Variants in XYLT1 observed in about 807,000 individuals in gnomAD.
XYLT1 encodes beta-D-xylosyltransferase 1.
In XYLT1, 36 loss-of-function variants were observed where a neutral mutation model predicts 91.3. The ratio of observed to expected loss-of-function variants is 0.39; its 90% CI spans 0.30 to 0.52. XYLT1 has a LOEUF of 0.52. Ranked by LOEUF, XYLT1 falls within the 20% of genes least tolerant of loss-of-function variation. The pLI is 0.68. For synonymous variants in XYLT1, 588 were observed against 532.0 expected (o/e 1.11, Z -1.45); for missense variants, 1,242 against 1,284.5 (o/e 0.97, Z 0.51).
intron 2 of XYLT1, among the ~76,000 whole-genome samples, chr16:17,352,696 C>T (rs1369265360): frequency 2.0e-5 from 3 of 152,214 alleles, no homozygotes; most frequent in African/African-American, 7.2e-5. Flanking sequence ...TTACAACCAC[C>T]TCCACTCTAC....
Position 17,127,712 on chromosome 16 carries a change from T to C in XYLT1, c.2177A>G (p.Lys726Arg), listed in dbSNP as rs766039272. Residue 726 changes from lysine (K) to arginine (R), a missense_variant, in exon 10 of 12, where the codon AAG becomes AGG. Physicochemically the swap from Lys to Arg is conservative, Grantham distance 26 (BLOSUM62 2). Around this residue, in one of 3 missense-constraint regions of XYLT1, gnomAD observed 511 missense variants for 497.0 expected, o/e 1.03. Coordinates refer to ENST00000261381, the MANE Select transcript of XYLT1 (RefSeq NM_022166.4). ...AAAGTCACTGGGTGGGCTTGCGATC[T>C]TGAAGACTTTTTTCGGCATCACCCA... ...ETWVMPKKVFKIASPPSDFGR... is the reference protein window; with the variant it reads ...ETWVMPKKVFRIASPPSDFGR... The C allele has an allele frequency of 6.2e-7, 1 of 1,614,226 alleles. No homozygotes were observed. The highest frequency in any genetic ancestry group is 1.1e-5 in the South Asian group (1 of 91,082).
chr16:17,286,210 A>G (rs1287602736), intron 2 of XYLT1, among the ~76,000 whole-genome samples: 1 of 152,060 alleles, frequency 6.6e-6, no homozygotes, highest in Non-Finnish European at 1.5e-5. Context: ...AACCAGGCTC[A>G]TGTAAGCTCA....
At chr16:17,326,193 C>A (rs1343474964) in intron 2 of XYLT1, among the ~76,000 whole-genome samples, 2 of 149,192 alleles carry the variant, frequency 1.3e-5, no homozygotes, top group East Asian at 3.9e-4. Context: ...ACTCTCAATA[C>A]ATTTTTAAGT....
chr16:17,151,074 T>C (rs1439377171), intron 6 of XYLT1, among the ~76,000 whole-genome samples: 2 of 152,168 alleles, frequency 1.3e-5, no homozygotes, highest in Non-Finnish European at 2.9e-5. Context: ...GGCTTGGATA[T>C]GGAGGGAAAC....
chr16:17,290,031 C>A (rs969506823), intron 2 of XYLT1, among the ~76,000 whole-genome samples: 16 of 152,226 alleles, frequency 1.1e-4, no homozygotes, highest in African/African-American at 3.9e-4. Flanking sequence ...TTTTTTCCAT[C>A]TCTTTCTTGT....
chr16:17,134,348 A>T, intron 9 of XYLT1, 125 bp downstream of exon 9: 1 of 1,319,784 alleles, frequency 7.6e-7, no homozygotes. Flanking sequence ...GGGCAAAGGA[A>T]GAGAGAAAGC....
At chr16:17,385,136 G>A (rs2035730882) in intron 1 of XYLT1, among the ~76,000 whole-genome samples, 2 of 151,760 alleles carry the variant, frequency 1.3e-5, no homozygotes, top group South Asian at 2.1e-4. Flanking sequence ...ATCCGATGAA[G>A]AGACAAACCT....
chr16:17,375,659 G>A (rs1363066282), intron 1 of XYLT1, among the ~76,000 whole-genome samples: 1 of 152,222 alleles, frequency 6.6e-6, no homozygotes, highest in Non-Finnish European at 1.5e-5. Context: ...GTCAAGTTCG[G>A]TGCTCAAGAG....
rs78136697 is a variant in XYLT1, at chr16:17,140,994, G to A, written c.1587+159C>T. 4.5e-3 allele frequency among the ~76,000 whole-genome samples: 681 copies of A among 152,284 alleles called. 6 individuals are homozygous for A. The highest frequency in any genetic ancestry group is 0.016 in the African/African-American group (652 of 41,550). ...CACGCAGCCTCTGTGCAGACTGGAG[G>A]GAGACCAGGCATCCTGCTAAGACAG... On this transcript the variant is annotated intron_variant, in intron 7 of 11. Coordinates refer to ENST00000261381, the MANE Select transcript of XYLT1 (RefSeq NM_022166.4).
chr16:17,169,366 G>A (rs2031771262), intron 5 of XYLT1, among the ~76,000 whole-genome samples: 1 of 152,192 alleles, frequency 6.6e-6, no homozygotes, highest in Admixed American at 6.5e-5. Flanking sequence ...CAAAAATGAT[G>A]TGGCATTAAA....
intron 10 of XYLT1, among the ~76,000 whole-genome samples, chr16:17,123,016 T>G (rs1163247113): frequency 6.6e-6 from 1 of 152,222 alleles, no homozygotes; most frequent in Non-Finnish European, 1.5e-5. Flanking sequence ...ATGCAATGCC[T>G]CCAGATTTGT....
intron 1 of XYLT1, among the ~76,000 whole-genome samples, chr16:17,401,373 G>A (rs2035967347): frequency 6.6e-6 from 1 of 152,176 alleles, no homozygotes; most frequent in South Asian, 2.1e-4. Flanking sequence ...AATTTATACA[G>A]AGAGATATAC....
At chr16:17,198,056 G>A (rs2032465061) in intron 5 of XYLT1, 156 bp downstream of exon 5, 4 of 759,092 alleles carry the variant, frequency 5.3e-6, no homozygotes, top group African/African-American at 5.3e-5. Context: ...ATGAATGAGT[G>A]AATGAATCAA....
intron 1 of XYLT1, among the ~76,000 whole-genome samples, chr16:17,432,279 T>C (rs951293172): frequency 3.3e-5 from 5 of 152,206 alleles, no homozygotes; most frequent in Non-Finnish European, 7.3e-5. Flanking sequence ...CAAATGCTCA[T>C]AGCAGCGTTA....
chr16:17,377,153 G>C (rs182749710), intron 1 of XYLT1, among the ~76,000 whole-genome samples: 52 of 113,430 alleles, frequency 4.6e-4, no homozygotes, highest in African/African-American at 2.6e-3. Context: ...CTCCAGCCTA[G>C]GTGACAGAGT....
chr16:17,400,670 A>C, intron 1 of XYLT1, among the ~76,000 whole-genome samples: 1 of 148,406 alleles, frequency 6.7e-6, no homozygotes. Context: ...GAAGGAAGGA[A>C]GGAAGGAACT....
rs1355079156 is a variant in XYLT1, at chr16:17,220,102, C to T, written c.914-19448G>A. Among the ~76,000 whole-genome samples the T allele has an allele frequency of 7.2e-5, 11 of 152,168 alleles. No individual in the cohort carries two copies. The East Asian group carries it at 1.4e-3, about 19-fold the overall frequency. On this transcript the variant is annotated intron_variant, in intron 3 of 11. Coordinates refer to ENST00000261381, the MANE Select transcript of XYLT1 (RefSeq NM_022166.4). ...AAGATAAGCCTTTAAGGAGACAGAA[C>T]GTGTGCTACCACAGCTTGGGAAGGC...
At chr16:17,231,482 C>T (rs1267471861) in intron 3 of XYLT1, among the ~76,000 whole-genome samples, 1 of 152,180 alleles carries the variant, frequency 6.6e-6, no homozygotes, top group Non-Finnish European at 1.5e-5. Context: ...CTTCATTTCT[C>T]TAAGCCTCAA....
At chr16:17,345,621 G>A (rs183731283) in intron 2 of XYLT1, among the ~76,000 whole-genome samples, 37 of 152,340 alleles carry the variant, frequency 2.4e-4, no homozygotes, top group African/African-American at 8.2e-4. Context: ...CTGAAGCTCA[G>A]AAGCTAAAAG....
Sources: gnomAD v4.1 joint callset for allele counts (sites outside exome capture counted in the v4.1 genomes callset) on GRCh38, gnomAD v4.1.1 for gene constraint, gnomAD v4.1.1 regional missense constraint, MANE v1.5 for transcripts, NCBI Gene and HGNC (gene_info 2026-07-23, HGNC 2026-07-21) for gene names.